The following TNNI3K variants were observed in gnomAD, a reference collection of about 807,000 sequenced individuals.
TNNI3K encodes the protein TNNI3 interacting kinase.
TNNI3K carries 140 observed loss-of-function variants against 114.5 expected under a neutral mutation model. The observed-to-expected ratio is 1.22, with a 90% confidence interval of 1.07 to 1.41. TNNI3K has a LOEUF of 1.41. TNNI3K is among the 40% of genes most tolerant of loss of function. The probability of loss-of-function intolerance (pLI) is 0.00; values close to 1 mark genes in which losing one functional copy is unlikely to be tolerated. For synonymous variants in TNNI3K, 347 were observed against 347.5 expected (o/e 1.00, Z 0.02); for missense variants, 1,125 against 1,007.6 (o/e 1.12, Z -1.58).
chr1:74,386,096 G>C (rs1663464761), intron 17 of TNNI3K, among the ~76,000 whole-genome samples: 1 of 152,126 alleles, frequency 6.6e-6, no homozygotes, highest in Non-Finnish European at 1.5e-5. Context: ...ACATTCTCTT[G>C]CCTGCCACCA....
chr1:74,526,800 A>C (rs1646509216), intron 23 of TNNI3K, among the ~76,000 whole-genome samples: 1 of 152,202 alleles, frequency 6.6e-6, no homozygotes, highest in African/African-American at 2.4e-5. Flanking sequence ...CAACACGTAT[A>C]GGACTTATCT....
intron 21 of TNNI3K, among the ~76,000 whole-genome samples, chr1:74,482,268 A>G (rs865949600): frequency 6.6e-6 from 1 of 152,134 alleles, no homozygotes; most frequent in Non-Finnish European, 1.5e-5. Context: ...CATCCATTTT[A>G]TTCTCTGTAT....
intron 9 of TNNI3K, among the ~76,000 whole-genome samples, chr1:74,352,588 G>GGCAA (rs1379643302): frequency 6.6e-6 from 1 of 152,222 alleles, no homozygotes; most frequent in African/African-American, 2.4e-5. Context: ...GAGGCAGGCA[G>GGCAA]GCCTCCTTGA....
intron 17 of TNNI3K, among the ~76,000 whole-genome samples, chr1:74,405,282 G>A (rs986458118): frequency 6.6e-6 from 1 of 152,118 alleles, no homozygotes; most frequent in Non-Finnish European, 1.5e-5. Context: ...ATTGATCAAA[G>A]AATATAGATA....
intron 16 of TNNI3K, 37 bp from the exon 17 acceptor site, chr1:74,370,251 C>G (rs774773598): frequency 3.3e-6 from 5 of 1,512,046 alleles, no homozygotes; most frequent in Non-Finnish European, 4.5e-6. Flanking sequence ...TTCGTTTTGA[C>G]CATTTCATCT....
Position 74,354,013 on chromosome 1 carries a change from G to A in TNNI3K, c.1061G>A (p.Arg354His), listed in dbSNP as rs201470572. The A allele has an allele frequency of 4.0e-5, 65 of 1,613,586 alleles. No individual in the cohort carries two copies. The highest frequency in any genetic ancestry group is 8.9e-5 in the East Asian group (4 of 44,838). Residue 354 changes from arginine to histidine, a missense_variant, in exon 11 of 25, where the codon CGC becomes CAC. Arg to His is a conservative substitution (Grantham distance 29). Transcript: ENST00000326637. ...TCTGCTTGCTACCACGGTCACATTC[G>A]CCTGGTTCAGTTCTTACTGGATAAT... ...LHSACYHGHI[R>H]LVQFLLDNGA... is the part of the protein sequence containing the mutation.
At chr1:74,327,902 A>T (rs1659996160) in intron 5 of TNNI3K, among the ~76,000 whole-genome samples, 1 of 151,222 alleles carries the variant, frequency 6.6e-6, no homozygotes, top group East Asian at 1.9e-4. Flanking sequence ...TCTGAGAAAA[A>T]AAATCATGAC....
chr1:74,411,075 A>G (rs375334461), intron 17 of TNNI3K, among the ~76,000 whole-genome samples: 4 of 152,302 alleles, frequency 2.6e-5, no homozygotes, highest in South Asian at 4.1e-4. Context: ...TCCACATTTC[A>G]ATTTTATACC....
At chr1:74,339,847 GATA>G (rs1443784170) in intron 7 of TNNI3K, among the ~76,000 whole-genome samples, 1 of 151,900 alleles carries the variant, frequency 6.6e-6, no homozygotes. Context: ...ATGCCATTTT[GATA>G]ATGTTAAAAA....
chr1:74,450,675 C>T (rs1387589762), intron 20 of TNNI3K, among the ~76,000 whole-genome samples: 7 of 152,002 alleles, frequency 4.6e-5, no homozygotes, highest in East Asian at 1.9e-4. Context: ...ATTAGAGAAA[C>T]GCAGATCAAA....
At chr1:74,315,189 C>G (rs1273866574) in intron 5 of TNNI3K, among the ~76,000 whole-genome samples, 1 of 152,004 alleles carries the variant, frequency 6.6e-6, no homozygotes, top group African/African-American at 2.4e-5. Flanking sequence ...TGAAAGAGAG[C>G]TTATACCAGC....
intron 4 of TNNI3K, among the ~76,000 whole-genome samples, chr1:74,255,513 A>G (rs1345899590): frequency 6.6e-6 from 1 of 152,214 alleles, no homozygotes; most frequent in Non-Finnish European, 1.5e-5. Context: ...TCAATAGAGT[A>G]ATCTCTGCTT....
intron 23 of TNNI3K, among the ~76,000 whole-genome samples, chr1:74,533,923 G>A (rs1646626348): frequency 6.6e-6 from 1 of 152,152 alleles, no homozygotes; most frequent in Non-Finnish European, 1.5e-5. Context: ...TGGAATGAAA[G>A]TCTGAAAAAC....
At chr1:74,487,448 A>G (rs1226201591) in intron 21 of TNNI3K, among the ~76,000 whole-genome samples, 1 of 152,174 alleles carries the variant, frequency 6.6e-6, no homozygotes, top group Non-Finnish European at 1.5e-5. Context: ...TCTGAATAGT[A>G]CTGACGGTCC....
chr1:74,453,692 G>A (rs746753798), intron 20 of TNNI3K, among the ~76,000 whole-genome samples: 1 of 152,070 alleles, frequency 6.6e-6, no homozygotes, highest in Admixed American at 6.6e-5. Context: ...GTAATCTCAG[G>A]TTTAGGAAAA....
At chr1:74,279,194 A>G (rs1451476208) in intron 5 of TNNI3K, among the ~76,000 whole-genome samples, 1 of 152,144 alleles carries the variant, frequency 6.6e-6, no homozygotes, top group African/African-American at 2.4e-5. Context: ...TGGGCAGGCC[A>G]CCTCTTACCT....
At chr1:74,251,408 CAAT>C (rs1207417786) in intron 4 of TNNI3K, among the ~76,000 whole-genome samples, 3 of 18,024 alleles carry the variant, frequency 1.7e-4, no homozygotes, top group Non-Finnish European at 6.5e-4. Flanking sequence ...ATTATAATAA[CAAT>C]TTCTACTTTG....
chr1:74,423,712 A>G (rs1418610910), intron 17 of TNNI3K, among the ~76,000 whole-genome samples: 1 of 152,062 alleles, frequency 6.6e-6, no homozygotes, highest in Non-Finnish European at 1.5e-5. Context: ...CACATCACAT[A>G]TTCTCCTTAC....
intron 21 of TNNI3K, among the ~76,000 whole-genome samples, chr1:74,488,185 T>G (rs1570689373): frequency 6.6e-6 from 1 of 152,050 alleles, no homozygotes. Flanking sequence ...GACAAGCTGG[T>G]GGTGTTTAGA....
Sources: allele counts gnomAD v4.1 joint callset (sites outside exome capture counted in the v4.1 genomes callset), GRCh38; gene constraint gnomAD v4.1.1; transcripts MANE v1.5; gene names NCBI Gene and HGNC (gene_info 2026-07-23, HGNC 2026-07-21).